Variants in SVEP1 observed in about 807,000 individuals in gnomAD.
SVEP1 encodes the protein sushi, von Willebrand factor type A, EGF and pentraxin domain containing 1, also known as sushi, von Willebrand factor type A, EGF and pentraxin domain-containing protein 1.
SVEP1 carries 164 observed loss-of-function variants against 367.3 expected under a neutral mutation model. The ratio of observed to expected loss-of-function variants is 0.45; its 90% CI spans 0.39 to 0.51. The LOEUF (loss-of-function observed/expected upper bound fraction) is 0.51, where lower values mean the gene tolerates loss of function less well. Ranked by LOEUF, SVEP1 falls within the 20% of genes least tolerant of loss-of-function variation. The pLI is 0.00. For missense variants in SVEP1, 4,117 were observed against 4,425.3 expected (o/e 0.93, Z 1.98); for synonymous variants, 1,666 against 1,611.6 (o/e 1.03, Z -0.81).
chr9:110,467,792 T>C (rs1321779391), intron 17 of SVEP1, among the ~76,000 whole-genome samples: 2 of 152,026 alleles, frequency 1.3e-5, no homozygotes, highest in East Asian at 3.9e-4. Flanking sequence ...TGCACCACCA[T>C]GCCTGGCTAA....
rs140117884 is a variant in SVEP1 at position 110,381,848 on chromosome 9, T to G, written c.10238-2331A>C. The stretch of plus-strand genomic sequence containing the variant: ...AGACTCTTTGTAAGTCTCTAAGAAC[T>G]TGATTTATGAATTTGGGTGCTCCTG... On this transcript the variant is annotated intron_variant, in intron 43 of 47. Coordinates refer to ENST00000374469, the MANE Select transcript of SVEP1 (RefSeq NM_153366.4). Among the ~76,000 whole-genome samples the G allele has an allele frequency of 4.9e-3, 737 of 150,784 alleles. 4 individuals carry two copies. Among genetic ancestry groups the G allele is most frequent in the Non-Finnish European group, 6.7e-3 (455 of 67,968 alleles).
intron 8 of SVEP1, among the ~76,000 whole-genome samples, chr9:110,490,088 A>G (rs1287606624): frequency 1.3e-5 from 2 of 152,206 alleles, no homozygotes; most frequent in Non-Finnish European, 2.9e-5. Flanking sequence ...TAGAATAAAT[A>G]TAAGATAATT....
chr9:110,500,224 T>TGAACTG (rs1462701093), intron 6 of SVEP1, among the ~76,000 whole-genome samples: 1 of 152,188 alleles, frequency 6.6e-6, no homozygotes, highest in Admixed American at 6.6e-5. Context: ...CTGCACGGTG[T>TGAACTG]GAACTGCATG....
At chr9:110,527,202 C>G (rs1445179361) in intron 3 of SVEP1, among the ~76,000 whole-genome samples, 1 of 151,798 alleles carries the variant, frequency 6.6e-6, no homozygotes, top group Non-Finnish European at 1.5e-5. Context: ...TAGAGGATAT[C>G]CTTTAAAGTG....
Position 110,450,112 on chromosome 9 carries a change from G to T in SVEP1, c.4050C>A (p.Leu1350=), listed in dbSNP as rs1828669065. ...TRCGKNVDEC[L]SQPCKNGATC... ...TAGCTCCATTTTTGCATGGCTGACT[G>T]AGACACTCATCGACGTTCTTTCCAC... Residue 1350 remains leucine (L), a synonymous_variant, in exon 24 of 48, where the codon CTC becomes CTA. Coordinates refer to ENST00000374469, the MANE Select transcript of SVEP1 (RefSeq NM_153366.4). 1.2e-6 allele frequency: 2 copies of T among 1,613,832 alleles called. No homozygotes were observed.
chr9:110,385,858 C>G, intron 43 of SVEP1, 40 bp downstream of exon 43: 1 of 1,583,896 alleles, frequency 6.3e-7, no homozygotes, highest in Admixed American at 1.8e-5. Context: ...GAAAACATTT[C>G]GCACTAGCGG....
At position 110,429,183 on chromosome 9, in the gene SVEP1, A is replaced by G; in HGVS notation, c.5767T>C (p.Tyr1923His). The G allele has an allele frequency of 1.3e-6, 2 of 1,599,174 alleles. No individual in the cohort carries two copies. The highest frequency in any genetic ancestry group is 1.7e-6 in the Non-Finnish European group (2 of 1,172,192). ...CATGAATATGATGCAGTAGAAAGGTAGGTAAGCCCACTCAAAATATATTTT... is the reference window on the plus strand; with the variant it reads ...CATGAATATGATGCAGTAGAAAGGTGGGTAAGCCCACTCAAAATATATTTT... ...NGKYILSGLT[Y>H]LSTASYSCDT... Residue 1923 changes from tyrosine (Y) to histidine (H), a missense_variant, in exon 35 of 48, where the codon TAC becomes CAC. Transcript: ENST00000374469.
At chr9:110,577,113 C>G (rs1048930708) in intron 1 of SVEP1, among the ~76,000 whole-genome samples, 3 of 151,874 alleles carry the variant, frequency 2.0e-5, no homozygotes, top group Non-Finnish European at 2.9e-5. Context: ...AAATCAAAAT[C>G]CTTACTGACT....
chr9:110,576,412 A>G (rs143927438), intron 1 of SVEP1, among the ~76,000 whole-genome samples: 2 of 152,334 alleles, frequency 1.3e-5, no homozygotes, highest in African/African-American at 4.8e-5. Context: ...CTGGGTAAAC[A>G]TAATTTAGGC....
intron 29 of SVEP1, 27 bp from the exon 30 acceptor site, chr9:110,434,533 G>T (rs373472765): frequency 6.2e-7 from 1 of 1,604,628 alleles, no homozygotes; most frequent in Non-Finnish European, 8.5e-7. Context: ...CAGGTGCAGA[G>T]CTTGTCAGCG....
intron 11 of SVEP1, among the ~76,000 whole-genome samples, chr9:110,482,059 G>T (rs575883582): frequency 6.6e-6 from 1 of 152,224 alleles, no homozygotes; most frequent in Non-Finnish European, 1.5e-5. Context: ...GGATAACATT[G>T]TGCAGCAAAT....
intron 1 of SVEP1, among the ~76,000 whole-genome samples, chr9:110,562,889 A>C (rs1349653536): frequency 6.6e-6 from 1 of 152,064 alleles, no homozygotes; most frequent in Non-Finnish European, 1.5e-5. Context: ...ATGGGGTTTC[A>C]TCATGTAGGC....
intron 6 of SVEP1, 147 bp from the exon 7 acceptor site, chr9:110,499,385 TA>T (rs2118746918): frequency 1.4e-6 from 1 of 693,538 alleles, no homozygotes; most frequent in Non-Finnish European, 2.3e-6. Context: ...ATTGAATGTA[TA>T]ATATATTGTA....
chr9:110,410,755 G>C (rs986606061), intron 37 of SVEP1, among the ~76,000 whole-genome samples: 2 of 152,104 alleles, frequency 1.3e-5, no homozygotes, highest in South Asian at 2.1e-4. Context: ...CCCCGCTTCT[G>C]AATAGTGGGT....
At chr9:110,528,827 T>C (rs1564168370) in intron 3 of SVEP1, among the ~76,000 whole-genome samples, 1 of 151,558 alleles carries the variant, frequency 6.6e-6, no homozygotes, top group African/African-American at 2.4e-5. Flanking sequence ...TTAAAATAAA[T>C]ATATTTTAAA....
rs1217648017 is a variant in SVEP1 at position 110,408,603 on chromosome 9, G to T, written c.6997C>A (p.Leu2333Ile). ...CPEPPLLENQ[L>I]VLKELTTEVG... Reference sequence around the variant, plus strand: ...TCGGTGGTCAACTCCTTTAATACTAGCTGGTTTTCCAAGAGGGGCGGCTCT... The same window carrying T: ...TCGGTGGTCAACTCCTTTAATACTATCTGGTTTTCCAAGAGGGGCGGCTCT... The change falls in exon 38 of 48, where the codon CTA (leucine) becomes ATA (isoleucine). Residue 2333 changes from leucine (L) to isoleucine (I), a missense_variant. Physicochemically the swap from Leu to Ile is conservative, Grantham distance 5. Transcript: ENST00000374469. The T allele has an allele frequency of 3.7e-6, 6 of 1,613,700 alleles. No individual in the cohort carries two copies. The highest frequency in any genetic ancestry group is 4.2e-6 in the Non-Finnish European group (5 of 1,179,816).
chr9:110,393,024 C>T (rs892873836), intron 40 of SVEP1, among the ~76,000 whole-genome samples: 2 of 152,144 alleles, frequency 1.3e-5, no homozygotes, highest in African/African-American at 4.8e-5. Context: ...TCAAGTGATT[C>T]TAACATGTAT....
chr9:110,429,047 T>C (rs1009748134), intron 35 of SVEP1, 96 bp downstream of exon 35: 68 of 1,040,040 alleles, frequency 6.5e-5, no homozygotes, highest in Middle Eastern at 2.9e-4. Flanking sequence ...CTAGCCTGAG[T>C]GTCACAGTGA....
intron 32 of SVEP1, among the ~76,000 whole-genome samples, chr9:110,430,680 T>C (rs1260433604): frequency 1.3e-5 from 2 of 152,198 alleles, no homozygotes; most frequent in South Asian, 2.1e-4. Context: ...AACAACAATA[T>C]ACATAATTTT....
Sources: allele counts gnomAD v4.1 joint callset (sites outside exome capture counted in the v4.1 genomes callset), GRCh38; gene constraint gnomAD v4.1.1; transcripts MANE v1.5; gene names NCBI Gene and HGNC (gene_info 2026-07-23, HGNC 2026-07-21).